The following ARHGAP10 variants were observed in gnomAD, a reference collection of about 807,000 sequenced individuals.
ARHGAP10 encodes the protein rho GTPase-activating protein 10.
In ARHGAP10, 87 loss-of-function variants were observed where a neutral mutation model predicts 108.6. The ratio of observed to expected loss-of-function variants is 0.80; its 90% CI spans 0.67 to 0.96. ARHGAP10 has a LOEUF of 0.96. Among genes scored for constraint, ARHGAP10 ranks in the 40% least tolerant of loss-of-function variants. The pLI, the probability that ARHGAP10 is intolerant of heterozygous loss-of-function variation, is 0.00. For synonymous variants in ARHGAP10, 347 were observed against 341.1 expected, an observed-to-expected ratio of 1.02 and a Z score of -0.19; for missense variants, 939 against 954.5, an observed-to-expected ratio of 0.98 and a Z score of 0.21.
chr4:148,027,484 G>A (rs1221185771), intron 19 of ARHGAP10, among the ~76,000 whole-genome samples: 4 of 152,204 alleles, frequency 2.6e-5, no homozygotes, highest in East Asian at 1.9e-4. Flanking sequence ...GGTAGATACC[G>A]TGATGAGGAT....
chr4:147,988,801 C>T (rs1740143820), intron 18 of ARHGAP10, among the ~76,000 whole-genome samples: 1 of 152,214 alleles, frequency 6.6e-6, no homozygotes, highest in Non-Finnish European at 1.5e-5. Context: ...ATGCCCCTCA[C>T]CTCAGACTCA....
At chr4:147,939,771 G>C in intron 13 of ARHGAP10, 54 bp from the exon 14 acceptor site, 1 of 1,470,052 alleles carries the variant, frequency 6.8e-7, no homozygotes, top group Non-Finnish European at 9.5e-7. Context: ...CTGTTTGATG[G>C]CTTTTAAAAT....
intron 14 of ARHGAP10, among the ~76,000 whole-genome samples, chr4:147,940,789 A>G (rs1040288355): frequency 6.6e-6 from 1 of 152,230 alleles, no homozygotes; most frequent in Non-Finnish European, 1.5e-5. Flanking sequence ...AATAAAATCA[A>G]CTGCCATGCT....
chr4:147,807,347 A>T (rs1465170450), intron 1 of ARHGAP10, among the ~76,000 whole-genome samples: 2 of 152,228 alleles, frequency 1.3e-5, no homozygotes, highest in Admixed American at 1.3e-4. Context: ...AATATAGGTG[A>T]TTGTATTAGG....
intron 14 of ARHGAP10, among the ~76,000 whole-genome samples, chr4:147,941,720 T>G (rs1738170867): frequency 6.6e-6 from 1 of 152,210 alleles, no homozygotes; most frequent in Admixed American, 6.5e-5. Flanking sequence ...TAATTCCTAG[T>G]GTGAATTTAA....
In ARHGAP10 at chr4:147,732,227, A is replaced by T. The variant is rs1255122782; in HGVS notation, c.-75A>T. 1.4e-6 allele frequency: 2 copies of T among 1,404,516 alleles called. No homozygotes were observed. The highest frequency in any genetic ancestry group is 7.0e-5 in the Admixed American group (2 of 28,404). 87.0% of individuals were successfully genotyped at this position (1,404,516 alleles called of 1,614,324 possible). A position where few individuals can be genotyped will look rare whatever the true frequency, so the allele number is the denominator to read the frequency against. ...GTGCTCCCTGAACGCGCGGCGCCGC[A>T]CCTGGCAGCGGCCTCGGAGCTCGGC... On this transcript the variant is annotated 5_prime_UTR_variant, in exon 1 of 23. Transcript: ENST00000336498.
chr4:147,974,979 C>T (rs1027536764), intron 18 of ARHGAP10, among the ~76,000 whole-genome samples: 5 of 152,144 alleles, frequency 3.3e-5, no homozygotes, highest in Non-Finnish European at 5.9e-5. Context: ...CTGGGTCCCT[C>T]CCACAACATG....
At chr4:147,772,284 C>T (rs899823076) in intron 1 of ARHGAP10, among the ~76,000 whole-genome samples, 18 of 152,298 alleles carry the variant, frequency 1.2e-4, no homozygotes, top group African/African-American at 4.1e-4. Flanking sequence ...CCCTAGGTTC[C>T]GTGTTTCCAC....
chr4:147,801,994 G>A (rs1389149716), intron 1 of ARHGAP10, among the ~76,000 whole-genome samples: 1 of 152,238 alleles, frequency 6.6e-6, no homozygotes, highest in Non-Finnish European at 1.5e-5. Flanking sequence ...CTGAGGCACA[G>A]CAAGAACTAG....
chr4:147,966,570 TAA>T, intron 17 of ARHGAP10, 108 bp from the exon 18 acceptor site: 1 of 1,025,584 alleles, frequency 9.8e-7, no homozygotes, highest in South Asian at 2.7e-5. Context: ...TGAGGGTGGT[TAA>T]GTCTCTTGAC....
intron 1 of ARHGAP10, among the ~76,000 whole-genome samples, chr4:147,810,546 T>C (rs998322058): frequency 3.9e-5 from 6 of 152,238 alleles, no homozygotes; most frequent in Non-Finnish European, 7.3e-5. Context: ...TCATCTTTAA[T>C]ACAAATTCTG....
chr4:147,990,608 G>A (rs977838766), intron 18 of ARHGAP10, among the ~76,000 whole-genome samples: 66 of 152,140 alleles, frequency 4.3e-4, no homozygotes, highest in African/African-American at 1.6e-3. Context: ...GTACTAAAAA[G>A]AACAAGATCA....
intron 5 of ARHGAP10, among the ~76,000 whole-genome samples, chr4:147,860,800 A>G (rs917669297): frequency 2.6e-5 from 4 of 152,222 alleles, no homozygotes; most frequent in African/African-American, 7.2e-5. Flanking sequence ...GCTAGAAATT[A>G]GTTGATAATC....
At chr4:147,928,576 A>G (rs536735256) in intron 13 of ARHGAP10, among the ~76,000 whole-genome samples, 2 of 152,246 alleles carry the variant, frequency 1.3e-5, no homozygotes, top group African/African-American at 4.8e-5. Context: ...GTTGGTGGCA[A>G]ATAATAGCTG....
intron 1 of ARHGAP10, among the ~76,000 whole-genome samples, chr4:147,814,976 A>G (rs1428011193): frequency 6.6e-6 from 1 of 152,202 alleles, no homozygotes; most frequent in Non-Finnish European, 1.5e-5. Flanking sequence ...CATAGCACCC[A>G]TTAAACCAGG....
At chr4:147,852,826 C>G (rs1349101448) in intron 4 of ARHGAP10, among the ~76,000 whole-genome samples, 1 of 149,340 alleles carries the variant, frequency 6.7e-6, no homozygotes, top group Non-Finnish European at 1.5e-5. Context: ...TCAAGTGATT[C>G]TCGTGCCTCA....
At chr4:148,050,405 G>A (rs1331649088) in intron 20 of ARHGAP10, among the ~76,000 whole-genome samples, 5 of 112,410 alleles carry the variant, frequency 4.4e-5, no homozygotes, top group African/African-American at 1.4e-4. Flanking sequence ...ATGTAGTCTC[G>A]CTCTGTTGCC....
intron 13 of ARHGAP10, among the ~76,000 whole-genome samples, chr4:147,930,458 C>T (rs1162607181): frequency 6.6e-6 from 1 of 152,090 alleles, no homozygotes; most frequent in Admixed American, 6.6e-5. Flanking sequence ...ATAAAAACTG[C>T]CCCTGAAGCT....
At position 147,732,430 on chromosome 4, in the gene ARHGAP10, G is replaced by A. The variant is rs921502031; in HGVS notation, c.129G>A (p.Gly43=). ...NKFIKELIKD[G]KNLIAATKSL... is the part of the protein sequence containing the mutation. Reference sequence around the variant, plus strand: ...TCATCAAAGAGCTCATTAAGGACGGGAAGAACCTCATCGCTGCGACGAAAA... The same window carrying A: ...TCATCAAAGAGCTCATTAAGGACGGAAAGAACCTCATCGCTGCGACGAAAA... Residue 43 remains glycine, a synonymous_variant, in exon 1 of 23, where the codon GGG becomes GGA. Transcript: ENST00000336498. The A allele has an allele frequency of 4.7e-5, 76 of 1,612,586 alleles. No individual in the cohort carries two copies. The highest frequency in any genetic ancestry group is 6.3e-5 in the Non-Finnish European group (74 of 1,179,344).
Sources: allele counts gnomAD v4.1 joint callset (sites outside exome capture counted in the v4.1 genomes callset), GRCh38; gene constraint gnomAD v4.1.1; transcripts MANE v1.5; gene names NCBI Gene and HGNC (gene_info 2026-07-23, HGNC 2026-07-21).